RSRC1: variants seen among roughly 807,000 people sequenced by gnomAD.
RSRC1 encodes arginine and serine rich coiled-coil 1.
Under a neutral mutation model 49.1 loss-of-function variants are expected in RSRC1, and 39 were observed. The observed-to-expected ratio is 0.79, with a 90% CI of 0.61 to 1.04. RSRC1 has a LOEUF of 1.04. Ranked by LOEUF, RSRC1 falls within the 50% of genes least tolerant of loss-of-function variation. RSRC1 has a pLI of 0.00. For synonymous variants in RSRC1, 143 were observed against 130.8 expected (o/e 1.09, Z -0.63); for missense variants, 388 against 402.4 (o/e 0.96, Z 0.31).
At chr3:158,282,975 G>C (rs1726267376) in intron 4 of RSRC1, among the ~76,000 whole-genome samples, 1 of 152,164 alleles carries the variant, frequency 6.6e-6, no homozygotes, top group South Asian at 2.1e-4. Context: ...ATACATTATT[G>C]AAGAGTTCAC....
intron 3 of RSRC1, among the ~76,000 whole-genome samples, chr3:158,156,329 C>T (rs938425253): frequency 3.3e-5 from 5 of 152,160 alleles, no homozygotes; most frequent in African/African-American, 7.2e-5. Context: ...ATTAGGCTTT[C>T]GCTCAAGGGA....
At chr3:158,347,862 G>A (rs866983413) in intron 5 of RSRC1, among the ~76,000 whole-genome samples, 20 of 151,926 alleles carry the variant, frequency 1.3e-4, no homozygotes, top group Middle Eastern at 3.4e-3. Flanking sequence ...CCCAAATGTT[G>A]TTTCTCTTTT....
At chr3:158,361,173 C>T (rs1300425173) in intron 6 of RSRC1, among the ~76,000 whole-genome samples, 1 of 152,142 alleles carries the variant, frequency 6.6e-6, no homozygotes, top group African/African-American at 2.4e-5. Flanking sequence ...AAATGTGGGG[C>T]AGACAGACCC....
intron 7 of RSRC1, among the ~76,000 whole-genome samples, chr3:158,461,915 A>T (rs942503603): frequency 1.3e-5 from 2 of 151,108 alleles, no homozygotes; most frequent in Non-Finnish European, 3.0e-5. Context: ...CAGCAACTAC[A>T]TGGAAGCTGA....
At chr3:158,428,996 T>G (rs1429128271) in intron 6 of RSRC1, among the ~76,000 whole-genome samples, 1 of 151,886 alleles carries the variant, frequency 6.6e-6, no homozygotes. Flanking sequence ...TAGCAGGTTA[T>G]TCTTGAACTT....
intron 4 of RSRC1, among the ~76,000 whole-genome samples, chr3:158,216,782 A>G (rs1338047685): frequency 1.3e-5 from 2 of 151,672 alleles, no homozygotes. Context: ...TATCCTTCTT[A>G]CTTTCCCTTC....
intron 7 of RSRC1, among the ~76,000 whole-genome samples, chr3:158,500,959 G>C (rs1211496632): frequency 6.6e-6 from 1 of 151,922 alleles, no homozygotes; most frequent in Non-Finnish European, 1.5e-5. Flanking sequence ...TAGAATGTCA[G>C]TTTGTGCTCT....
intron 7 of RSRC1, among the ~76,000 whole-genome samples, chr3:158,477,295 A>G (rs1578525532): frequency 6.6e-6 from 1 of 152,176 alleles, no homozygotes; most frequent in South Asian, 2.1e-4. Flanking sequence ...AAGTTCTACA[A>G]TAAATAAAAT....
At chr3:158,377,076 A>G (rs760596261) in intron 6 of RSRC1, among the ~76,000 whole-genome samples, 46 of 152,256 alleles carry the variant, frequency 3.0e-4, no homozygotes, top group Non-Finnish European at 5.7e-4. Flanking sequence ...AAGTTTAGTC[A>G]TTGAAGTCAT....
intron 5 of RSRC1, among the ~76,000 whole-genome samples, chr3:158,352,973 T>C (rs1730956032): frequency 1.3e-5 from 2 of 152,350 alleles, no homozygotes; most frequent in African/African-American, 2.4e-5. Context: ...GATATTTTAA[T>C]TTGATGTCAC....
At position 158,283,010 on chromosome 3, in the gene RSRC1, C is replaced by T. The variant is rs1009752319; in HGVS notation, c.495-15029C>T. ...CCATTTCTGTTTGCCTCGTGCATTGCAAACATAACTGTGTTCATTATCTCT... is the reference window on the plus strand; with the variant it reads ...CCATTTCTGTTTGCCTCGTGCATTGTAAACATAACTGTGTTCATTATCTCT... On this transcript the variant is annotated intron_variant, in intron 4 of 9. Coordinates refer to ENST00000611884, the MANE Select transcript of RSRC1 (RefSeq NM_001271838.2). 1.3e-5 allele frequency among the ~76,000 whole-genome samples: 2 copies of T among 152,222 alleles called. 1 individual carries two copies. The highest frequency in any genetic ancestry group is 1.3e-4 in the Admixed American group (2 of 15,288).
chr3:158,497,645 C>G (rs1315611606), intron 7 of RSRC1, among the ~76,000 whole-genome samples: 1 of 152,008 alleles, frequency 6.6e-6, no homozygotes, highest in Non-Finnish European at 1.5e-5. Context: ...CCATGTTGGC[C>G]AGGATGACCT....
chr3:158,130,793 A>G (rs1715967045), intron 3 of RSRC1, among the ~76,000 whole-genome samples: 1 of 152,162 alleles, frequency 6.6e-6, no homozygotes, highest in African/African-American at 2.4e-5. Flanking sequence ...GTAATTTTGT[A>G]CATGTTGTAT....
rs544936272 is a variant in RSRC1, at chr3:158,270,059, G to A, written c.495-27980G>A. On this transcript the variant is annotated intron_variant, in intron 4 of 9. Transcript: ENST00000611884. ...GTATCAGTGTGAGTAATGGATAGGA[G>A]CAACTGCATACATGATTCAAGACAC... Among the ~76,000 whole-genome samples, 63 of 152,186 alleles carry A rather than the reference G, an allele frequency of 4.1e-4. No homozygotes were observed. The South Asian group carries it at 0.012, about 30-fold the overall frequency.
At chr3:158,530,115 G>A (rs1203183467) in intron 7 of RSRC1, among the ~76,000 whole-genome samples, 2 of 151,892 alleles carry the variant, frequency 1.3e-5, no homozygotes, top group African/African-American at 4.8e-5. Context: ...CTACTTGCCT[G>A]AACTCAAGAA....
intron 5 of RSRC1, among the ~76,000 whole-genome samples, chr3:158,328,369 ACCGGTAGTTT>A: frequency 6.6e-6 from 1 of 152,250 alleles, no homozygotes; most frequent in Non-Finnish European, 1.5e-5. Context: ...AGTGGCTGGT[ACCGGTAGTTT>A]CTTTCCATGT....
intron 6 of RSRC1, among the ~76,000 whole-genome samples, chr3:158,426,359 G>T (rs1735441096): frequency 6.6e-6 from 1 of 151,144 alleles, no homozygotes; most frequent in Non-Finnish European, 1.5e-5. Context: ...TTTAAACCCT[G>T]CAAATCAGTA....
chr3:158,185,722 T>A (rs1719890590), intron 3 of RSRC1, among the ~76,000 whole-genome samples: 1 of 151,994 alleles, frequency 6.6e-6, no homozygotes, highest in Admixed American at 6.6e-5. Flanking sequence ...ATTTGCTGAT[T>A]TTATTCTTTT....
chr3:158,242,032 C>CTTTTTTT (rs34356543), intron 4 of RSRC1, among the ~76,000 whole-genome samples: 9 of 66,632 alleles, frequency 1.4e-4, no homozygotes, highest in South Asian at 6.5e-4. Context: ...AATTTCCAAC[C>CTTTTTTT]TTTTTTTTTT....
Sources: allele counts gnomAD v4.1 joint callset (sites outside exome capture counted in the v4.1 genomes callset), GRCh38; gene constraint gnomAD v4.1.1; transcripts MANE v1.5; gene names NCBI Gene and HGNC (gene_info 2026-07-23, HGNC 2026-07-21).